CPT1A: variants seen among roughly 807,000 people sequenced by gnomAD.
CPT1A encodes the protein carnitine O-palmitoyltransferase 1, liver isoform.
A neutral mutation model predicts 100.8 loss-of-function variants in CPT1A; 64 were observed. That is an observed-to-expected ratio of 0.63 (90% confidence interval 0.52 to 0.78). CPT1A has a LOEUF of 0.78. Ranked by LOEUF, CPT1A falls within the 30% of genes least tolerant of loss-of-function variation. CPT1A has a pLI of 0.00. For missense variants in CPT1A, 802 were observed against 1,034.1 expected (o/e 0.78, Z 3.08); for synonymous variants, 363 against 396.0 (o/e 0.92, Z 0.99).
At chr11:68,804,528 C>G (rs1324876095) in intron 4 of CPT1A, among the ~76,000 whole-genome samples, 1 of 151,996 alleles carries the variant, frequency 6.6e-6, no homozygotes, top group African/African-American at 2.4e-5. Context: ...GGTGATGCTG[C>G]AGTGAGCCAT....
At chr11:68,784,061 C>T (rs1398781661) in intron 10 of CPT1A, among the ~76,000 whole-genome samples, 1 of 152,104 alleles carries the variant, frequency 6.6e-6, no homozygotes, top group Non-Finnish European at 1.5e-5. Context: ...TGGGGTCTCA[C>T]TCTGTTGCCC....
chr11:68,829,649 C>T (rs563486587), intron 1 of CPT1A, among the ~76,000 whole-genome samples: 11 of 152,208 alleles, frequency 7.2e-5, no homozygotes, highest in Non-Finnish European at 1.2e-4. Flanking sequence ...CAAATCATCG[C>T]GGAGCCCTCG....
intron 15 of CPT1A, among the ~76,000 whole-genome samples, 162 bp downstream of exon 15, chr11:68,762,464 CT>C (rs757159330): frequency 1.3e-4 from 20 of 152,218 alleles, no homozygotes; most frequent in Non-Finnish European, 7.3e-5. Context: ...ATTTTAATAC[CT>C]TCTGTACCCT....
chr11:68,802,877 A>G (rs7102159), intron 5 of CPT1A, among the ~76,000 whole-genome samples: 7,621 of 149,042 alleles, frequency 0.051, 676 homozygotes, highest in African/African-American at 0.18. Context: ...AGCCTGAACA[A>G]CAGGGTGAGA....
rs1023015625 is a variant in CPT1A at position 68,756,449 on chromosome 11, T to G, written c.*1195A>C. 9.8e-5 allele frequency: 15 copies of G among 152,334 alleles called. No homozygotes were observed. Among genetic ancestry groups the G allele is most frequent in the African/African-American group, 3.4e-4 (14 of 41,586 alleles). 9.4% of individuals were successfully genotyped at this position (152,334 alleles called of 1,614,324 possible). Reference sequence around the variant, plus strand: ...TGGGTGAACACCTAGCACTGTCACTTGAGACATCTTGGCTGGTCACCAAGG... The same window carrying G: ...TGGGTGAACACCTAGCACTGTCACTGGAGACATCTTGGCTGGTCACCAAGG... On this transcript the variant is annotated 3_prime_UTR_variant, in exon 19 of 19. Transcript: ENST00000265641.
At chr11:68,777,194 C>T (rs777108358) in intron 12 of CPT1A, among the ~76,000 whole-genome samples, 17 of 152,142 alleles carry the variant, frequency 1.1e-4, no homozygotes, top group Non-Finnish European at 2.5e-4. Flanking sequence ...TGTTGGGAGG[C>T]TGAGGCAGGC....
intron 3 of CPT1A, among the ~76,000 whole-genome samples, chr11:68,810,873 T>C (rs1856182201): frequency 6.6e-6 from 1 of 151,980 alleles, no homozygotes; most frequent in South Asian, 2.1e-4. Flanking sequence ...TAATCCCAGC[T>C]ACTCAGGAGG....
chr11:68,760,322 C>T lies in CPT1A; in HGVS notation c.2045G>A (p.Trp682Ter). ...PFLKEVLSEP[W>*]RLSTSQTPQQ... ...AGGGGTCTGGCTTGTTGATAATCTCCAAGGCTCAGATAAAACCTATTGAGT... is the reference window on the plus strand; with the variant it reads ...AGGGGTCTGGCTTGTTGATAATCTCTAAGGCTCAGATAAAACCTATTGAGT... Residue 682 changes from tryptophan (W) to a stop codon, truncating the protein, a stop_gained, in exon 17 of 19, where the codon TGG becomes TAG. Transcript: ENST00000265641. LOFTEE classifies it high-confidence loss of function. 2 of 1,611,470 alleles carry T rather than the reference C, an allele frequency of 1.2e-6. No individual in the cohort carries two copies. Among genetic ancestry groups the T allele is most frequent in the Non-Finnish European group, 1.7e-6 (2 of 1,178,868 alleles).
rs187809857 is a variant in CPT1A, at chr11:68,771,281, C to T, written c.1740+1984G>A. On this transcript the variant is annotated intron_variant, in intron 14 of 18. Coordinates refer to ENST00000265641, the MANE Select transcript of CPT1A (RefSeq NM_001876.4). ...TCAGCATGTTTCAAAATGTACTAAA[C>T]TGGAGCGTGGCATTTCCTTACTAAA... Among the ~76,000 whole-genome samples the T allele has an allele frequency of 7.9e-5, 12 of 152,338 alleles. No homozygotes were observed. In the East Asian group the frequency reaches 2.3e-3, roughly 29 times the overall value.
At chr11:68,833,095 G>A (rs771068983) in intron 1 of CPT1A, among the ~76,000 whole-genome samples, 31 of 152,168 alleles carry the variant, frequency 2.0e-4, no homozygotes, top group Non-Finnish European at 3.8e-4. Flanking sequence ...GCTCCAGCTC[G>A]GGGAAACCAC....
At chr11:68,839,203 C>T (rs1857097157) in intron 1 of CPT1A, among the ~76,000 whole-genome samples, 1 of 152,250 alleles carries the variant, frequency 6.6e-6, no homozygotes, top group African/African-American at 2.4e-5. Context: ...AGTGCAGAAG[C>T]AGCCCTTGGC....
Position 68,793,407 on chromosome 11 carries a change from A to G in CPT1A, c.880-5T>C. 1.9e-6 allele frequency: 3 copies of G among 1,606,118 alleles called. No individual in the cohort carries two copies. The highest frequency in any genetic ancestry group is 2.6e-6 in the Non-Finnish European group (3 of 1,175,406). ...CGTGGATCCCAAAAGACGAATCTGTAACAAAAATATATTTCAAACCAACAA... is the reference window on the plus strand; with the variant it reads ...CGTGGATCCCAAAAGACGAATCTGTGACAAAAATATATTTCAAACCAACAA... On this transcript the variant is annotated splice_region_variant and splice_polypyrimidine_tract_variant and intron_variant, in intron 8 of 18. Transcript: ENST00000265641.
chr11:68,810,257 G>A (rs967896427), intron 3 of CPT1A, among the ~76,000 whole-genome samples: 4 of 152,118 alleles, frequency 2.6e-5, no homozygotes, highest in African/African-American at 7.2e-5. Flanking sequence ...CACAAGGCTC[G>A]GAGGCAGCTA....
At chr11:68,789,291 G>C (rs1027881690) in intron 9 of CPT1A, among the ~76,000 whole-genome samples, 1 of 152,142 alleles carries the variant, frequency 6.6e-6, no homozygotes, top group Non-Finnish European at 1.5e-5. Flanking sequence ...AATTAGTGAG[G>C]ATTGTGACTG....
intron 1 of CPT1A, among the ~76,000 whole-genome samples, chr11:68,822,047 G>A (rs555144198): frequency 7.9e-5 from 12 of 152,226 alleles, no homozygotes; most frequent in Admixed American, 4.6e-4. Context: ...GTGCAGCCAC[G>A]TTGGCAAACA....
At chr11:68,838,564 C>CA in intron 1 of CPT1A, among the ~76,000 whole-genome samples, 1 of 1,348 alleles carries the variant, frequency 7.4e-4, no homozygotes, top group Non-Finnish European at 4.3e-3. Context: ...TCTGTATCTG[C>CA]ACCTTTTTAA....
intron 4 of CPT1A, among the ~76,000 whole-genome samples, chr11:68,807,236 T>C (rs1026244708): frequency 1.3e-5 from 2 of 152,024 alleles, no homozygotes; most frequent in Admixed American, 6.6e-5. Context: ...CGAGCAGACC[T>C]CAATATAAAA....
intron 1 of CPT1A, among the ~76,000 whole-genome samples, chr11:68,817,895 G>GCTGGGGTCGACAGGGTGT (rs1566380028): frequency 6.6e-6 from 1 of 152,064 alleles, no homozygotes; most frequent in African/African-American, 2.4e-5. Context: ...AGCACAGGTG[G>GCTGGGGTCGACAGGGTGT]CTGGGGTCGA....
intron 5 of CPT1A, among the ~76,000 whole-genome samples, chr11:68,802,698 C>T (rs966379559): frequency 6.6e-6 from 1 of 151,494 alleles, no homozygotes; most frequent in African/African-American, 2.4e-5. Context: ...CACGCCACTG[C>T]ACTCCAGCCT....
Sources: allele counts gnomAD v4.1 joint callset (sites outside exome capture counted in the v4.1 genomes callset), GRCh38; gene constraint gnomAD v4.1.1; transcripts MANE v1.5; gene names NCBI Gene and HGNC (gene_info 2026-07-23, HGNC 2026-07-21).